The following GTF2H3 variants were observed in gnomAD, a reference collection of about 807,000 sequenced individuals.
GTF2H3 encodes TFIIH basal transcription factor complex p34 subunit.
Under a neutral mutation model 51.1 loss-of-function variants are expected in GTF2H3, and 42 were observed. That is an observed-to-expected ratio of 0.82 (90% confidence interval 0.64 to 1.06). The LOEUF is 1.06. GTF2H3 is among the 50% of genes least tolerant of loss of function. The pLI is 0.00. For synonymous variants in GTF2H3, 123 were observed against 123.8 expected (o/e 0.99, Z 0.04); for missense variants, 326 against 366.1 (o/e 0.89, Z 0.89).
chr12:123,646,266 T>G (rs1955445927), intron 3 of GTF2H3, among the ~76,000 whole-genome samples: 1 of 151,840 alleles, frequency 6.6e-6, no homozygotes, highest in South Asian at 2.1e-4. Flanking sequence ...TTTTTTTTTT[T>G]TTTTTTTGGA....
intron 1 of GTF2H3, among the ~76,000 whole-genome samples, chr12:123,635,809 G>A (rs1955275203): frequency 6.6e-6 from 1 of 152,188 alleles, no homozygotes; most frequent in African/African-American, 2.4e-5. Flanking sequence ...CGAGAGATCA[G>A]AAGCACAACT....
At position 123,651,024 on chromosome 12, in the gene GTF2H3, T is replaced by C; in HGVS notation, c.395T>C (p.Leu132Ser). ...SDIKGQHTETLLAGSLAKALC... is the reference protein window; with the variant it reads ...SDIKGQHTETSLAGSLAKALC... ...ATAAAGGGTCAACATACAGAAACTTTGCTGGCAGGATCCCTGGCCAAAGCC... is the reference window on the plus strand; with the variant it reads ...ATAAAGGGTCAACATACAGAAACTTCGCTGGCAGGATCCCTGGCCAAAGCC... Residue 132 changes from leucine to serine, a missense_variant, in exon 5 of 13, where the codon TTG becomes TCG. Coordinates refer to ENST00000543341, the MANE Select transcript of GTF2H3 (RefSeq NM_001516.5). 6.2e-7 allele frequency: 1 copy of C among 1,613,366 alleles called. No individual in the cohort carries two copies. The highest frequency in any genetic ancestry group is 1.1e-5 in the South Asian group (1 of 91,066).
chr12:123,639,480 T>A (rs1428070536), intron 2 of GTF2H3, 137 bp downstream of exon 2: 4 of 552,476 alleles, frequency 7.2e-6, no homozygotes, highest in East Asian at 5.9e-5. Flanking sequence ...TGATTTTTTT[T>A]AAGTAAATTT....
chr12:123,647,837 G>T, intron 3 of GTF2H3, 126 bp from the exon 4 acceptor site: 1 of 524,210 alleles, frequency 1.9e-6, no homozygotes, highest in Non-Finnish European at 3.3e-6. Context: ...GAAATTTACC[G>T]TGGAATCTTG....
At chr12:123,655,438 A>C (rs932351378) in intron 8 of GTF2H3, 1 of 310,624 alleles carries the variant, frequency 3.2e-6, no homozygotes, top group Non-Finnish European at 5.9e-6. Context: ...GAAGAAAGAA[A>C]ACCTCCTTAA....
At chr12:123,643,796 AGATTTAAGTTTT>A (rs1326881435) in intron 2 of GTF2H3, among the ~76,000 whole-genome samples, 6 of 152,074 alleles carry the variant, frequency 3.9e-5, no homozygotes, top group Non-Finnish European at 5.9e-5. Flanking sequence ...AAATTTTAAT[AGATTTAAGTTTT>A]TTTTCCAGTA....
intron 8 of GTF2H3, 91 bp downstream of exon 8, chr12:123,655,089 T>C (rs1955570736): frequency 1.1e-6 from 1 of 940,392 alleles, no homozygotes; most frequent in South Asian, 1.4e-5. Context: ...GTATTCTGAC[T>C]ACGTAGGCTT....
intron 5 of GTF2H3, 89 bp downstream of exon 5, chr12:123,651,145 T>G (rs1955514956): frequency 3.4e-6 from 3 of 890,634 alleles, no homozygotes; most frequent in Non-Finnish European, 5.6e-6. Flanking sequence ...TGGGTGCCCA[T>G]TACTGGGACA....
chr12:123,652,635 A>G, intron 6 of GTF2H3, 72 bp from the exon 7 acceptor site: 1 of 1,528,734 alleles, frequency 6.5e-7, no homozygotes, highest in Non-Finnish European at 8.9e-7. Flanking sequence ...AGACTGTTTA[A>G]AAATTGGTTA....
At chr12:123,643,009 C>G (rs1036611689) in intron 2 of GTF2H3, among the ~76,000 whole-genome samples, 1 of 152,242 alleles carries the variant, frequency 6.6e-6, no homozygotes, top group South Asian at 2.1e-4. Flanking sequence ...GTAGCTGGGA[C>G]TACAGGCACA....
At position 123,633,839 on chromosome 12, in the gene GTF2H3, C is replaced by T. The variant is rs925921624; in HGVS notation, c.-21C>T. 2.5e-6 allele frequency: 4 copies of T among 1,612,536 alleles called. No homozygotes were observed. The highest frequency in any genetic ancestry group is 2.7e-5 in the African/African-American group (2 of 74,936). On this transcript the variant is annotated 5_prime_UTR_variant, in exon 1 of 13. Transcript: ENST00000543341. ...GCTCCCCTGACCACCACTTGCTCTG[C>T]GCTGAGGTGCTGGGACAGCCATGGT...
At chr12:123,640,179 T>C (rs1309374593) in intron 2 of GTF2H3, among the ~76,000 whole-genome samples, 2 of 152,092 alleles carry the variant, frequency 1.3e-5, no homozygotes, top group Non-Finnish European at 2.9e-5. Context: ...TGTTTGTTCG[T>C]TTGTAATCTG....
intron 1 of GTF2H3, 129 bp downstream of exon 1, chr12:123,634,001 C>A (rs1210490250): frequency 4.5e-6 from 4 of 892,596 alleles, no homozygotes; most frequent in Non-Finnish European, 5.5e-6. Flanking sequence ...GTAGCCAAGG[C>A]ATTCAGTCAT....
Position 123,647,964 on chromosome 12 carries a change from C to G in GTF2H3, c.202C>G (p.Arg68Gly). ...AVIASHIQES[R>G]FLYPGKNGRL... ...AGGTTTTTTCCCCTGCTGTTTCAGC[C>G]GATTCTTATATCCTGGAAAGAATGG... The change falls in exon 4 of 13, where the codon CGA (arginine) becomes GGA (glycine). Residue 68 changes from arginine (R) to glycine (G), a missense_variant and splice_region_variant. Arg to Gly is a moderately radical substitution (Grantham distance 125, BLOSUM62 -2). Transcript: ENST00000543341. The G allele has an allele frequency of 7.4e-6, 12 of 1,610,922 alleles. No individual in the cohort carries two copies. Among genetic ancestry groups the G allele is most frequent in the Non-Finnish European group, 1.0e-5 (12 of 1,178,950 alleles).
intron 4 of GTF2H3, chr12:123,649,243 C>G (rs1312829599): frequency 6.6e-6 from 1 of 152,294 alleles, no homozygotes; most frequent in Non-Finnish European, 1.5e-5. Flanking sequence ...GCTGGAATTA[C>G]AGGTGTGAGC....
intron 7 of GTF2H3, among the ~76,000 whole-genome samples, chr12:123,653,202 TGATAA>T (rs1231469558): frequency 5.3e-5 from 8 of 152,176 alleles, no homozygotes; most frequent in Non-Finnish European, 1.0e-4. Context: ...GTAAAACTGA[TGATAA>T]GGAAAACTAA....
chr12:123,636,189 TTGA>T (rs780197575), intron 1 of GTF2H3, among the ~76,000 whole-genome samples: 4 of 152,156 alleles, frequency 2.6e-5, no homozygotes, highest in Non-Finnish European at 5.9e-5. Flanking sequence ...CATCTTATAA[TTGA>T]TGAAAAATGG....
rs755379165 is a variant in GTF2H3 at position 123,633,856 on chromosome 12, A to T, written c.-4A>T. ...TTGCTCTGCGCTGAGGTGCTGGGAC[A>T]GCCATGGTTTCAGACGGTGAGGACC... is the stretch of plus-strand genomic sequence containing the variant. On this transcript the variant is annotated 5_prime_UTR_variant, in exon 1 of 13. Transcript: ENST00000543341. The T allele has an allele frequency of 6.2e-7, 1 of 1,613,374 alleles. No homozygotes were observed. Among genetic ancestry groups the T allele is most frequent in the Non-Finnish European group, 8.5e-7 (1 of 1,180,016 alleles).
chr12:123,659,385 A>AAAT (rs937960521), intron 9 of GTF2H3, 131 bp from the exon 10 acceptor site: 1 of 708,482 alleles, frequency 1.4e-6, no homozygotes. Context: ...AATAAAAATA[A>AAAT]AATAATAATA....
Sources: allele counts gnomAD v4.1 joint callset (sites outside exome capture counted in the v4.1 genomes callset), GRCh38; gene constraint gnomAD v4.1.1; transcripts MANE v1.5; gene names NCBI Gene and HGNC (gene_info 2026-07-23, HGNC 2026-07-21).